The following COL4A5 variants were observed in gnomAD, a reference collection of about 807,000 sequenced individuals.
COL4A5 encodes collagen type IV alpha 5 chain, also known as collagen alpha-5(IV) chain.
In COL4A5, 26 loss-of-function variants were observed where a neutral mutation model predicts 130.2. That is an observed-to-expected ratio of 0.20 (90% CI 0.15 to 0.28). COL4A5 has a LOEUF of 0.28. Ranked by LOEUF, COL4A5 falls within the 10% of genes least tolerant of loss-of-function variation. COL4A5 has a pLI of 1.00. For missense variants in COL4A5, 1,131 were observed against 1,344.3 expected (o/e 0.84, Z 2.48); for synonymous variants, 496 against 439.6 (o/e 1.13, Z -1.60).
intron 44 of COL4A5, among the ~76,000 whole-genome samples, chrX:108,679,743 T>C (rs758617016): frequency 1.1e-5 from 1 of 94,946 alleles, no homozygotes; most frequent in African/African-American, 6.2e-5. Flanking sequence ...GGGGGGATGA[T>C]TGTTTGAGCC....
At chrX:108,518,323 G>A (rs1348171579) in intron 1 of COL4A5, among the ~76,000 whole-genome samples, 3 of 111,448 alleles carry the variant, frequency 2.7e-5, no homozygotes, top group African/African-American at 9.7e-5. Flanking sequence ...TGTAGGCATA[G>A]CTTCCCCATC....
rs1390498084 is a variant in COL4A5, at chrX:108,689,573, T to C, written c.4528+1879T>C. On this transcript the variant is annotated intron_variant, in intron 49 of 52. Transcript: ENST00000328300. ...AGGAAGGCCATGACGGAGCCCAAGATCCTAGGAATGGTCCTGGATTGCAGA... is the reference window on the plus strand; with the variant it reads ...AGGAAGGCCATGACGGAGCCCAAGACCCTAGGAATGGTCCTGGATTGCAGA... 4.0e-6 allele frequency: 3 copies of C among 752,737 alleles called. No homozygotes were observed. In the African/African-American group the frequency reaches 6.9e-5, roughly 17 times the overall value. The allele number at this position is 752,737 out of a possible 1,213,427, so 62.0% of individuals were successfully genotyped here.
At chrX:108,514,918 GT>G (rs1240037045) in intron 1 of COL4A5, among the ~76,000 whole-genome samples, 12 of 111,452 alleles carry the variant, frequency 1.1e-4, no homozygotes, top group Middle Eastern at 9.3e-3. Context: ...GAAACTATGT[GT>G]TTATAATTCT....
chrX:108,585,293 T>G (rs1323625845), intron 18 of COL4A5, among the ~76,000 whole-genome samples: 2 of 112,156 alleles, frequency 1.8e-5, no homozygotes, highest in East Asian at 5.6e-4. Context: ...TTAATTCGTA[T>G]TATCCATAAT....
chrX:108,553,346 A>G (rs986413164), intron 2 of COL4A5, among the ~76,000 whole-genome samples: 3 of 112,120 alleles, frequency 2.7e-5, no homozygotes, highest in Non-Finnish European at 5.6e-5. Context: ...TATCTGATAG[A>G]AGACTTGTAT....
intron 1 of COL4A5, among the ~76,000 whole-genome samples, chrX:108,472,923 G>A (rs1042011288): frequency 6.3e-5 from 7 of 111,680 alleles, no homozygotes; most frequent in Middle Eastern, 4.2e-3. Flanking sequence ...CCACATCCTC[G>A]CTAACATTCA....
intron 37 of COL4A5, among the ~76,000 whole-genome samples, chrX:108,656,115 G>A (rs2067836485): frequency 9.0e-6 from 1 of 111,701 alleles, no homozygotes. Flanking sequence ...TTGACCATAT[G>A]TATCAAGATA....
intron 1 of COL4A5, among the ~76,000 whole-genome samples, chrX:108,535,315 G>A (rs1355151531): frequency 6.3e-5 from 7 of 110,354 alleles, no homozygotes; most frequent in Non-Finnish European, 7.6e-5. Flanking sequence ...AGTACTTTCT[G>A]TTGTCATATG....
chrX:108,597,620 A>C (rs1481851548), intron 24 of COL4A5, 52 bp downstream of exon 24: 1 of 1,075,251 alleles, frequency 9.3e-7, no homozygotes, highest in East Asian at 3.1e-5. Context: ...TCACTTAGAA[A>C]TGTTTTCTAA....
chrX:108,480,781 G>A (rs773800883), intron 1 of COL4A5, among the ~76,000 whole-genome samples: 43 of 112,797 alleles, frequency 3.8e-4, no homozygotes, highest in Non-Finnish European at 6.9e-4. Context: ...TCCAAGATCC[G>A]TCTGTCTTCT....
At chrX:108,609,103 A>G (rs61261978) in intron 29 of COL4A5, among the ~76,000 whole-genome samples, 10,782 of 111,652 alleles carry the variant, frequency 0.097, 1,164 homozygotes, top group African/African-American at 0.32. Flanking sequence ...GACATTTTTT[A>G]CAATTCTTTT....
At chrX:108,661,909 G>A (rs2067963185) in intron 37 of COL4A5, among the ~76,000 whole-genome samples, 1 of 110,402 alleles carries the variant, frequency 9.1e-6, no homozygotes, top group African/African-American at 3.3e-5. Context: ...ATTTCATTTA[G>A]TATTTCTTTT....
rs1217826172 is a variant in COL4A5, at chrX:108,655,582, T to TA, written c.3373+127dup. The stretch of plus-strand genomic sequence containing the variant: ...CCCAATCAGATACTGACTAGCAACA[T>TA]AATCTCAAACTATCTCTTTACCTTT... On this transcript the variant is annotated intron_variant, in intron 37 of 52. Transcript: ENST00000328300. The TA allele has an allele frequency of 5.0e-6, 4 of 803,656 alleles. No individual in the cohort carries two copies. In the African/African-American group the frequency reaches 8.2e-5, roughly 16 times the overall value. 66.2% of individuals were successfully genotyped at this position (803,656 alleles called of 1,213,427 possible).
intron 29 of COL4A5, among the ~76,000 whole-genome samples, chrX:108,608,969 ATGT>A (rs767062357): frequency 8.9e-6 from 1 of 111,758 alleles, no homozygotes; most frequent in Non-Finnish European, 1.9e-5. Context: ...AGATCCATCC[ATGT>A]TGTTGTGTTT....
rs183688034 is a variant in COL4A5, at chrX:108,576,485, C to T, written c.609+513C>T. 2.9e-4 allele frequency among the ~76,000 whole-genome samples: 32 copies of T among 111,846 alleles called. No homozygotes were observed. The East Asian group carries it at 6.8e-3, about 24-fold the overall frequency. ...CTTCTACAGATCCTGAATGTGCAAC[C>T]GGTTCTCTTACTTTACTAGCTCTGT... On this transcript the variant is annotated intron_variant, in intron 10 of 52. Coordinates refer to ENST00000328300, the MANE Select transcript of COL4A5 (RefSeq NM_033380.3).
chrX:108,532,005 C>A (rs1311882658), intron 1 of COL4A5, among the ~76,000 whole-genome samples: 1 of 111,061 alleles, frequency 9.0e-6, no homozygotes, highest in Non-Finnish European at 1.9e-5. Context: ...TTCTAACAAT[C>A]GTACAAGACA....
At chrX:108,670,352 T>G (rs1035549483) in intron 42 of COL4A5, 116 bp downstream of exon 42, 7 of 1,129,955 alleles carry the variant, frequency 6.2e-6, no homozygotes, top group African/African-American at 5.5e-5. Flanking sequence ...ATTCAATTCT[T>G]ACATAGTGGC....
At chrX:108,552,217 A>G (rs770072949) in intron 2 of COL4A5, among the ~76,000 whole-genome samples, 5 of 111,955 alleles carry the variant, frequency 4.5e-5, no homozygotes, top group African/African-American at 6.5e-5. Flanking sequence ...GGTAAAAAAA[A>G]AATGTTATAC....
chrX:108,658,772 G>C (rs2067894667), intron 37 of COL4A5, among the ~76,000 whole-genome samples: 2 of 110,976 alleles, frequency 1.8e-5, no homozygotes, highest in Admixed American at 1.9e-4. Flanking sequence ...ATAATGTTTT[G>C]ATATAAGTAA....
Sources: allele counts gnomAD v4.1 joint callset (sites outside exome capture counted in the v4.1 genomes callset), GRCh38; gene constraint gnomAD v4.1.1; transcripts MANE v1.5; gene names NCBI Gene and HGNC (gene_info 2026-07-23, HGNC 2026-07-21).